The following SUPT16H variants were observed in gnomAD, a reference collection of about 807,000 sequenced individuals.
The protein encoded by SUPT16H is SPT16 homolog, facilitates chromatin remodeling subunit, also known as FACT complex subunit SPT16.
Under a neutral mutation model 136.2 loss-of-function variants are expected in SUPT16H, and 24 were observed. That is an observed-to-expected ratio of 0.18 (90% CI 0.13 to 0.25). The LOEUF is 0.25. SUPT16H is among the 10% of genes least tolerant of loss of function. The pLI is 1.00. For synonymous variants in SUPT16H, 415 were observed against 428.2 expected, an observed-to-expected ratio of 0.97 and a Z score of 0.38; for missense variants, 623 against 1,270.2, an observed-to-expected ratio of 0.49 and a Z score of 7.74.
chr14:21,367,034 G>A (rs1191521025), intron 7 of SUPT16H, among the ~76,000 whole-genome samples: 5 of 152,014 alleles, frequency 3.3e-5, no homozygotes, highest in Admixed American at 6.6e-5. Context: ...TCCACCTCCC[G>A]GATTCACGCC....
At chr14:21,355,513 T>A (rs1044197442) in intron 22 of SUPT16H, among the ~76,000 whole-genome samples, 4 of 113,578 alleles carry the variant, frequency 3.5e-5, no homozygotes, top group Admixed American at 9.3e-5. Context: ...ATAATAATAA[T>A]AAAAAAAAAA....
At position 21,364,991 on chromosome 14, in the gene SUPT16H, G is replaced by T. The variant is rs758212497; in HGVS notation, c.1121-52C>A. On this transcript the variant is annotated intron_variant, in intron 9 of 25. Transcript: ENST00000216297. ...TGTGGCTGTGACAATGTGGAGAGGT[G>T]TGAGACATATGCCTAAAAGAAAATA... 3 of 1,606,766 alleles carry T rather than the reference G, an allele frequency of 1.9e-6. No homozygotes were observed. In the South Asian group the frequency reaches 3.3e-5, roughly 18 times the overall value.
chr14:21,373,381 C>T lies in SUPT16H; in HGVS notation c.116G>A (p.Gly39Asp). 6.2e-7 allele frequency: 1 copy of T among 1,614,146 alleles called. No individual in the cohort carries two copies. The highest frequency in any genetic ancestry group is 8.5e-7 in the Non-Finnish European group (1 of 1,179,998). Reference protein sequence around the residue: ...ANVDAIVVSVGVDEEIVYAKS... With the variant: ...ANVDAIVVSVDVDEEIVYAKS... ...GGCATAAACAATTTCTTCATCAACA[C>T]CCACTGATACAACAATGGCATCAAC... Residue 39 changes from glycine to aspartate, a missense_variant, in exon 2 of 26, where the codon GGT becomes GAT. Coordinates refer to ENST00000216297, the MANE Select transcript of SUPT16H (RefSeq NM_007192.4).
intron 6 of SUPT16H, 21 bp downstream of exon 6, chr14:21,369,183 A>T (rs1886735847): frequency 6.2e-7 from 1 of 1,605,968 alleles, no homozygotes; most frequent in Non-Finnish European, 8.5e-7. Flanking sequence ...ATGCTATATT[A>T]TGAAGTCTTC....
chr14:21,355,513 T>TAAAAAAAAAAAA (rs59639210), intron 22 of SUPT16H, among the ~76,000 whole-genome samples: 2 of 113,586 alleles, frequency 1.8e-5, no homozygotes, highest in African/African-American at 3.3e-5. Flanking sequence ...ATAATAATAA[T>TAAAAAAAAAAAA]AAAAAAAAAA....
In SUPT16H at chr14:21,351,965, AAAG is replaced by A. The variant is rs924925723; in HGVS notation, c.*705_*707del. On this transcript the variant is annotated 3_prime_UTR_variant, in exon 26 of 26. Transcript: ENST00000216297. Reference sequence around the variant, plus strand: ...ATCTTCCTTAGATATATGAGAAAAAAAAGAAGACAGTGGCAATTTTGCCTTCTA... The same window carrying A: ...ATCTTCCTTAGATATATGAGAAAAAAAAGACAGTGGCAATTTTGCCTTCTA... 6 of 152,620 alleles carry A rather than the reference AAAG, an allele frequency of 3.9e-5. No homozygotes were observed. Among genetic ancestry groups the A allele is most frequent in the Non-Finnish European group, 5.9e-5 (4 of 68,274 alleles). 9.5% of individuals were successfully genotyped at this position (152,620 alleles called of 1,614,324 possible). A position where few individuals can be genotyped will look rare whatever the true frequency, so the allele number is the denominator to read the frequency against.
chr14:21,360,258 C>T (rs1157584077), intron 18 of SUPT16H, among the ~76,000 whole-genome samples, 157 bp downstream of exon 18: 1 of 152,084 alleles, frequency 6.6e-6, no homozygotes, highest in Non-Finnish European at 1.5e-5. Context: ...GAACTCCCGA[C>T]CTCAGGTGAT....
intron 3 of SUPT16H, among the ~76,000 whole-genome samples, chr14:21,371,345 TG>T (rs1886781581): frequency 6.6e-6 from 1 of 152,098 alleles, no homozygotes; most frequent in South Asian, 2.1e-4. Flanking sequence ...CTCAAACACC[TG>T]GGCTCAAGCA....
chr14:21,368,497 G>T (rs1038946252), intron 6 of SUPT16H, 56 bp from the exon 7 acceptor site: 4 of 1,528,842 alleles, frequency 2.6e-6, no homozygotes, highest in Non-Finnish European at 3.5e-6. Flanking sequence ...AAAGTCCTTG[G>T]TATCAATGGG....
chr14:21,363,754 C>T (rs912421189), intron 10 of SUPT16H, among the ~76,000 whole-genome samples: 1 of 152,186 alleles, frequency 6.6e-6, no homozygotes, highest in Non-Finnish European at 1.5e-5. Context: ...CCTCAGCTCA[C>T]TGCAACCTCC....
rs753626714 is a variant in SUPT16H, at chr14:21,357,900, T to A, written c.2490+27A>T. The A allele has an allele frequency of 9.7e-5, 156 of 1,602,210 alleles. No individual in the cohort carries two copies. In the East Asian group the frequency reaches 3.0e-3, roughly 31 times the overall value. On this transcript the variant is annotated intron_variant, in intron 21 of 25. Transcript: ENST00000216297. ...TCTTTATTTTCTCTAACAATTTTCT[T>A]ACTAAAAGAAAGTAAGAAACACTCA...
intron 7 of SUPT16H, among the ~76,000 whole-genome samples, chr14:21,367,579 G>A (rs1235307454): frequency 1.3e-5 from 2 of 152,200 alleles, no homozygotes; most frequent in African/African-American, 2.4e-5. Context: ...TGGAAGAATG[G>A]TGTCTGGAAG....
At chr14:21,372,967 AG>A (rs1263435191) in intron 2 of SUPT16H, among the ~76,000 whole-genome samples, 13 of 152,200 alleles carry the variant, frequency 8.5e-5, no homozygotes, top group Non-Finnish European at 1.8e-4. Context: ...AGTAAGAGAC[AG>A]GGTCTCACTG....
chr14:21,379,729 T>A (rs745517648), intron 1 of SUPT16H, among the ~76,000 whole-genome samples: 6 of 151,548 alleles, frequency 4.0e-5, no homozygotes, highest in Admixed American at 2.6e-4. Flanking sequence ...ATAATAATAA[T>A]AAAAATTGGT....
chr14:21,377,495 A>C (rs1212902891), intron 1 of SUPT16H, among the ~76,000 whole-genome samples: 1 of 152,224 alleles, frequency 6.6e-6, no homozygotes, highest in African/African-American at 2.4e-5. Flanking sequence ...GACTTTGGTT[A>C]ACTATATTAT....
At chr14:21,358,528 A>G in intron 19 of SUPT16H, 101 bp from the exon 20 acceptor site, 1 of 797,702 alleles carries the variant, frequency 1.3e-6, no homozygotes, top group East Asian at 2.6e-5. Flanking sequence ...AAAAATTCCA[A>G]CTTTTAAGTT....
intron 22 of SUPT16H, among the ~76,000 whole-genome samples, chr14:21,356,905 A>T (rs1052374552): frequency 2.0e-5 from 3 of 152,096 alleles, no homozygotes; most frequent in African/African-American, 7.2e-5. Context: ...ACGTGGGAGG[A>T]TCGCTTGAGC....
rs755852656 is a variant in SUPT16H at position 21,353,692 on chromosome 14, G to A, written c.2920+11C>T. ...AGGAAGCCAGGACGAACTTTGCTCT[G>A]TAAGACTAACCTGACTCTTCTGCTT... On this transcript the variant is annotated intron_variant, in intron 24 of 25. Coordinates refer to ENST00000216297, the MANE Select transcript of SUPT16H (RefSeq NM_007192.4). 1 of 1,611,810 alleles carries A rather than the reference G, an allele frequency of 6.2e-7. No individual in the cohort carries two copies. The highest frequency in any genetic ancestry group is 8.5e-7 in the Non-Finnish European group (1 of 1,179,034).
Position 21,358,094 on chromosome 14 carries a change from C to A in SUPT16H, c.2415-92G>T. 3.4e-6 allele frequency: 4 copies of A among 1,184,328 alleles called. No individual in the cohort carries two copies. In the South Asian group the frequency reaches 5.2e-5, roughly 15 times the overall value. 73.4% of individuals were successfully genotyped at this position (1,184,328 alleles called of 1,614,324 possible). A position where few individuals can be genotyped will look rare whatever the true frequency, so the allele number is the denominator to read the frequency against. On this transcript the variant is annotated intron_variant, in intron 20 of 25. Coordinates refer to ENST00000216297, the MANE Select transcript of SUPT16H (RefSeq NM_007192.4). ...ACTTCTTCCCTCTCCCCATTCCAAA[C>A]AGCTCCAGCATACTCACTGGAGACT...
Sources: allele counts gnomAD v4.1 joint callset (sites outside exome capture counted in the v4.1 genomes callset), GRCh38; gene constraint gnomAD v4.1.1; transcripts MANE v1.5; gene names NCBI Gene and HGNC (gene_info 2026-07-23, HGNC 2026-07-21).